Variants in UGGT2 observed in about 807,000 individuals in gnomAD.
UGGT2 encodes UDP-glucose glycoprotein glucosyltransferase 2.
Under a neutral mutation model 192.1 loss-of-function variants are expected in UGGT2, and 180 were observed. The observed-to-expected ratio is 0.94, with a 90% CI of 0.83 to 1.06. UGGT2 has a LOEUF of 1.06. Among genes scored for constraint, UGGT2 ranks in the 50% least tolerant of loss-of-function variants. The pLI is 0.00. For missense variants in UGGT2, 1,849 were observed against 1,795.7 expected (o/e 1.03, Z -0.54); for synonymous variants, 580 against 591.0 (o/e 0.98, Z 0.27).
At chr13:95,975,949 C>T (rs368094882) in intron 10 of UGGT2, among the ~76,000 whole-genome samples, 3 of 152,120 alleles carry the variant, frequency 2.0e-5, no homozygotes, top group East Asian at 1.9e-4. Context: ...AAATATTTAC[C>T]ATTTCTTAAT....
At chr13:96,045,481 G>C (rs1363604982) in intron 1 of UGGT2, among the ~76,000 whole-genome samples, 1 of 152,116 alleles carries the variant, frequency 6.6e-6, no homozygotes, top group Non-Finnish European at 1.5e-5. Flanking sequence ...GGAAGTCCTA[G>C]TCAGAACAAT....
intron 38 of UGGT2, among the ~76,000 whole-genome samples, chr13:95,821,831 GT>G (rs2139802484): frequency 6.6e-6 from 1 of 152,080 alleles, no homozygotes; most frequent in South Asian, 2.1e-4. Context: ...CCTTTCCCCA[GT>G]TTATGTTTTT....
chr13:95,913,755 T>C (rs1478167827), intron 20 of UGGT2, among the ~76,000 whole-genome samples: 2 of 152,194 alleles, frequency 1.3e-5, no homozygotes, highest in East Asian at 1.9e-4. Context: ...CAAAGGATTA[T>C]AAATCATGCT....
chr13:95,990,139 A>G (rs1476896356), intron 7 of UGGT2, 66 bp from the exon 8 acceptor site: 28 of 977,084 alleles, frequency 2.9e-5, no homozygotes, highest in Non-Finnish European at 3.5e-5. Context: ...CAAACAGCAT[A>G]TTTTTGAAAT....
chr13:95,944,498 A>G (rs577253808), intron 15 of UGGT2, among the ~76,000 whole-genome samples: 1 of 152,176 alleles, frequency 6.6e-6, no homozygotes, highest in East Asian at 1.9e-4. Flanking sequence ...CCCATCTCTG[A>G]GCCCAGGCCT....
intron 20 of UGGT2, among the ~76,000 whole-genome samples, chr13:95,917,677 G>A (rs2048722712): frequency 6.6e-6 from 1 of 152,094 alleles, no homozygotes. Context: ...CATCTCACAT[G>A]GAAAGACACA....
In UGGT2 at chr13:95,997,630, A is replaced by AGGAAAGTTCCTGGGTG. The variant is rs1191339461; in HGVS notation, c.758-1496_758-1495insCACCCAGGAACTTTCC. Among the ~76,000 whole-genome samples the AGGAAAGTTCCTGGGTG allele has an allele frequency of 4.4e-3, 664 of 152,246 alleles. 2 individuals are homozygous for AGGAAAGTTCCTGGGTG. Among genetic ancestry groups the AGGAAAGTTCCTGGGTG allele is most frequent in the African/African-American group, 0.015 (639 of 41,558 alleles). ...TGCACTCCAGCCTGGGTGACAGAGC[A>AGGAAAGTTCCTGGGTG]ATGATTCCATCTCAGGAAAAAAAAG... is the stretch of plus-strand genomic sequence containing the variant. On this transcript the variant is annotated intron_variant, in intron 6 of 38. Coordinates refer to ENST00000376747, the MANE Select transcript of UGGT2 (RefSeq NM_020121.4).
chr13:95,831,137 G>T (rs532175951), intron 38 of UGGT2, among the ~76,000 whole-genome samples: 1 of 151,964 alleles, frequency 6.6e-6, no homozygotes, highest in Non-Finnish European at 1.5e-5. Flanking sequence ...GTGGGGTGGG[G>T]GTAGGGGGTG....
At chr13:95,958,434 A>G (rs1238479475) in intron 12 of UGGT2, among the ~76,000 whole-genome samples, 1 of 152,208 alleles carries the variant, frequency 6.6e-6, no homozygotes, top group Non-Finnish European at 1.5e-5. Context: ...TACAGGCGTA[A>G]GCCTCCACGC....
Position 96,038,367 on chromosome 13 carries a change from G to A in UGGT2, c.159-6396C>T, listed in dbSNP as rs76120991. ...TACAGAAATACTGGCCAAATGCTAT[G>A]AGAGAATAATAGAAAGTTATTAATT... On this transcript the variant is annotated intron_variant, in intron 1 of 38. Transcript: ENST00000376747. Among the ~76,000 whole-genome samples, 1,222 of 152,270 alleles carry A rather than the reference G, an allele frequency of 8.0e-3. 22 individuals carry two copies. Among genetic ancestry groups the A allele is most frequent in the African/African-American group, 0.028 (1,154 of 41,556 alleles).
At chr13:95,979,693 A>G (rs1594495336) in intron 10 of UGGT2, among the ~76,000 whole-genome samples, 1 of 152,264 alleles carries the variant, frequency 6.6e-6, no homozygotes, top group Non-Finnish European at 1.5e-5. Flanking sequence ...TTAAATTAAA[A>G]AGGACAGCAG....
intron 38 of UGGT2, among the ~76,000 whole-genome samples, chr13:95,810,393 G>A (rs1594052546): frequency 6.6e-6 from 1 of 152,108 alleles, no homozygotes; most frequent in Admixed American, 6.6e-5. Flanking sequence ...TTTTATGTTT[G>A]TTTATATTTC....
At chr13:95,906,447 G>A (rs972852023) in intron 20 of UGGT2, among the ~76,000 whole-genome samples, 1 of 151,912 alleles carries the variant, frequency 6.6e-6, no homozygotes. Context: ...TAAAAAGACT[G>A]AAAAAAATGA....
chr13:95,897,456 GT>G (rs1401122979), intron 22 of UGGT2, among the ~76,000 whole-genome samples: 1 of 152,088 alleles, frequency 6.6e-6, no homozygotes, highest in African/African-American at 2.4e-5. Context: ...ATTATTCAGT[GT>G]TTTTAAGAAA....
chr13:95,919,041 C>A (rs911123003), intron 20 of UGGT2, among the ~76,000 whole-genome samples: 3 of 152,116 alleles, frequency 2.0e-5, no homozygotes, highest in Admixed American at 6.5e-5. Context: ...TTGGCTTCAT[C>A]CCCAGGATGC....
At chr13:95,998,429 C>T (rs1421578413) in intron 6 of UGGT2, among the ~76,000 whole-genome samples, 1 of 152,116 alleles carries the variant, frequency 6.6e-6, no homozygotes, top group Non-Finnish European at 1.5e-5. Flanking sequence ...GTAATACGAT[C>T]TTTATCTGAA....
chr13:95,993,269 AACT>A (rs1482156445), intron 7 of UGGT2, among the ~76,000 whole-genome samples: 1 of 152,134 alleles, frequency 6.6e-6, no homozygotes, highest in East Asian at 1.9e-4. Context: ...AGGGCTGAAA[AACT>A]ACCTGTTGGG....
chr13:95,990,378 T>C (rs1311423746), intron 7 of UGGT2: 1 of 162,702 alleles, frequency 6.1e-6, no homozygotes, highest in African/African-American at 2.4e-5. Flanking sequence ...ATTACATACT[T>C]TTTGTTTAAC....
chr13:95,950,206 G>C (rs1040909011), intron 12 of UGGT2, among the ~76,000 whole-genome samples: 5 of 152,070 alleles, frequency 3.3e-5, no homozygotes, highest in African/African-American at 4.8e-5. Flanking sequence ...TTCCTCTCAA[G>C]TCATTTGCTG....
Sources: gnomAD v4.1 joint callset for allele counts (sites outside exome capture counted in the v4.1 genomes callset) on GRCh38, gnomAD v4.1.1 for gene constraint, MANE v1.5 for transcripts, NCBI Gene and HGNC (gene_info 2026-07-23, HGNC 2026-07-21) for gene names.